Variants in C12orf42 observed in about 807,000 individuals in gnomAD.
The protein encoded by C12orf42 is uncharacterized protein C12orf42.
Under a neutral mutation model 21.6 loss-of-function variants are expected in C12orf42, and 25 were observed. That is an observed-to-expected ratio of 1.16 (90% CI 0.84 to 1.62). The LOEUF (loss-of-function observed/expected upper bound fraction) is 1.62. C12orf42 is among the 40% of genes most tolerant of loss of function. The pLI is 0.00. For synonymous variants in C12orf42, 174 were observed against 175.0 expected, an observed-to-expected ratio of 0.99 and a Z score of 0.05; for missense variants, 483 against 459.3, an observed-to-expected ratio of 1.05 and a Z score of -0.47.
the C12orf42 span, among the ~76,000 whole-genome samples, chr12:103,536,637 C>T: frequency 1.3e-5 from 2 of 152,186 alleles, no homozygotes; most frequent in South Asian, 4.1e-4. Flanking sequence ...GTGCCACAAG[C>T]TCTTGGCAAG....
intron 4 of C12orf42, among the ~76,000 whole-genome samples, chr12:103,322,100 C>T (rs1013750564): frequency 8.5e-6 from 1 of 117,252 alleles, no homozygotes; most frequent in South Asian, 2.9e-4. Context: ...CTCAGATGTG[C>T]ACGCGCGTGC....
the C12orf42 span, among the ~76,000 whole-genome samples, chr12:103,172,872 C>T: frequency 6.6e-6 from 1 of 152,108 alleles, no homozygotes. Flanking sequence ...AACTCGTACC[C>T]TAGGAGTTAA....
chr12:103,151,297 C>A, the C12orf42 span, among the ~76,000 whole-genome samples: 1 of 152,054 alleles, frequency 6.6e-6, no homozygotes, highest in Admixed American at 6.5e-5. Flanking sequence ...TTAATTCACA[C>A]ATTTAAGAAT....
At chr12:103,275,066 A>G (rs2035688292) in intron 5 of C12orf42, among the ~76,000 whole-genome samples, 1 of 152,262 alleles carries the variant, frequency 6.6e-6, no homozygotes, top group African/African-American at 2.4e-5. Context: ...TAGTAAATGC[A>G]TTGCCTAAAT....
At chr12:103,229,471 C>T in the C12orf42 span, among the ~76,000 whole-genome samples, 6 of 133,246 alleles carry the variant, frequency 4.5e-5, no homozygotes, top group South Asian at 2.6e-4. Context: ...AAGCAGGGAT[C>T]GTCAATTATA....
chr12:103,292,821 T>C (rs2036909853), intron 4 of C12orf42, among the ~76,000 whole-genome samples: 1 of 152,098 alleles, frequency 6.6e-6, no homozygotes, highest in Non-Finnish European at 1.5e-5. Flanking sequence ...AAATAGTCTA[T>C]TAAAAAGGTA....
intron 4 of C12orf42, among the ~76,000 whole-genome samples, chr12:103,316,742 T>C (rs1185398598): frequency 6.6e-6 from 1 of 151,826 alleles, no homozygotes; most frequent in East Asian, 1.9e-4. Flanking sequence ...GTAAGCCCCA[T>C]GAGGGTAAGT....
At chr12:103,523,824 A>C in the C12orf42 span, among the ~76,000 whole-genome samples, 1 of 151,966 alleles carries the variant, frequency 6.6e-6, no homozygotes, top group Non-Finnish European at 1.5e-5. Context: ...GTTCCCCTTT[A>C]AAAGTAAGAA....
intron 10 of C12orf42, among the ~76,000 whole-genome samples, chr12:103,240,608 T>G (rs1260155602): frequency 6.6e-6 from 1 of 152,176 alleles, no homozygotes; most frequent in Admixed American, 6.6e-5. Context: ...CTTTATTTAA[T>G]GCCAGAACCG....
intron 4 of C12orf42, among the ~76,000 whole-genome samples, chr12:103,278,094 G>A (rs1354244553): frequency 6.6e-6 from 1 of 152,022 alleles, no homozygotes; most frequent in Non-Finnish European, 1.5e-5. Context: ...TATTTATTGA[G>A]AACAAAAAGT....
At chr12:103,065,510 G>T in the C12orf42 span, among the ~76,000 whole-genome samples, 25 of 152,306 alleles carry the variant, frequency 1.6e-4, no homozygotes, top group African/African-American at 5.8e-4. Context: ...TAGTCAGAGA[G>T]ATCTTGATTG....
intron 4 of C12orf42, among the ~76,000 whole-genome samples, chr12:103,310,541 C>A (rs1294707100): frequency 6.6e-6 from 1 of 152,202 alleles, no homozygotes; most frequent in Non-Finnish European, 1.5e-5. Flanking sequence ...TTCTTGGAAT[C>A]ATCAGAGGCC....
chr12:103,377,414 A>G (rs1368280298), intron 3 of C12orf42, among the ~76,000 whole-genome samples: 1 of 152,048 alleles, frequency 6.6e-6, no homozygotes, highest in African/African-American at 2.4e-5. Flanking sequence ...CTACCTTTCC[A>G]ATGACAGGTC....
the C12orf42 span, among the ~76,000 whole-genome samples, chr12:103,556,582 G>A: frequency 2.4e-4 from 37 of 152,266 alleles, no homozygotes; most frequent in African/African-American, 8.4e-4. Context: ...CCTGGTTATG[G>A]AGAGATCATG....
rs1246726031 is a variant in C12orf42, at chr12:103,413,783, C to T, written c.79-12108G>A. On this transcript the variant is annotated intron_variant, in intron 2 of 5. Transcript: ENST00000548883. ...CACTTAGAATAATGGTCTCCAACTC[C>T]ATTCAGGTTGCTGCAAATGCCATTA... 2.0e-5 allele frequency among the ~76,000 whole-genome samples: 3 copies of T among 152,152 alleles called. No homozygotes were observed. The East Asian group carries it at 5.8e-4, about 29-fold the overall frequency.
chr12:103,447,161 T>C (rs1351892555), intron 2 of C12orf42, among the ~76,000 whole-genome samples: 2 of 151,872 alleles, frequency 1.3e-5, no homozygotes. Flanking sequence ...TATAGAGTAC[T>C]CTCTCAGACC....
At chr12:103,530,297 G>A in the C12orf42 span, among the ~76,000 whole-genome samples, 4 of 152,226 alleles carry the variant, frequency 2.6e-5, no homozygotes, top group African/African-American at 9.6e-5. Context: ...GACTTATGAA[G>A]AGCGTGATGT....
the C12orf42 span, among the ~76,000 whole-genome samples, chr12:103,190,261 A>G: frequency 6.6e-6 from 1 of 152,164 alleles, no homozygotes; most frequent in Non-Finnish European, 1.5e-5. Flanking sequence ...AGAAAGAGAG[A>G]GTGAGAAGAC....
chr12:103,431,500 T>C (rs1022770156), intron 2 of C12orf42, among the ~76,000 whole-genome samples: 1 of 152,206 alleles, frequency 6.6e-6, no homozygotes, highest in African/African-American at 2.4e-5. Flanking sequence ...TTACTTGTTA[T>C]GGCAACACAG....
Sources: allele counts gnomAD v4.1 joint callset (sites outside exome capture counted in the v4.1 genomes callset), GRCh38; gene constraint gnomAD v4.1.1; transcripts MANE v1.5; gene names NCBI Gene and HGNC (gene_info 2026-07-23, HGNC 2026-07-21).